Variants in NDUFAF7 observed in about 807,000 individuals in gnomAD.
The protein encoded by NDUFAF7 is protein arginine methyltransferase NDUFAF7, mitochondrial.
A neutral mutation model predicts 47.2 loss-of-function variants in NDUFAF7; 48 were observed. The ratio of observed to expected loss-of-function variants is 1.02; its 90% CI spans 0.81 to 1.29. The LOEUF is 1.29. Ranked by LOEUF, NDUFAF7 falls within the 50% of genes most tolerant of loss-of-function variation. The pLI is 0.00. For synonymous variants in NDUFAF7, 217 were observed against 190.0 expected (o/e 1.14, Z -1.17); for missense variants, 635 against 537.6 (o/e 1.18, Z -1.79).
the NDUFAF7 span, among the ~76,000 whole-genome samples, chr2:37,270,461 T>C: frequency 1.3e-5 from 2 of 152,040 alleles, no homozygotes; most frequent in African/African-American, 4.8e-5. Flanking sequence ...AATCCATTCC[T>C]CTATCTTTCC....
the NDUFAF7 span, among the ~76,000 whole-genome samples, chr2:37,261,634 G>T: frequency 6.7e-6 from 1 of 150,238 alleles, no homozygotes; most frequent in South Asian, 2.1e-4. Context: ...TACAAAATTA[G>T]CCGGGTGTGG....
chr2:37,242,845 CAA>C, intron 6 of NDUFAF7, 152 bp downstream of exon 6: 1 of 590,348 alleles, frequency 1.7e-6, no homozygotes, highest in Admixed American at 3.3e-5. Context: ...AATTCAAAAG[CAA>C]AAAATGAAAT....
chr2:37,235,724 G>A (rs1572531916), intron 2 of NDUFAF7, among the ~76,000 whole-genome samples: 2 of 151,732 alleles, frequency 1.3e-5, no homozygotes, highest in African/African-American at 4.8e-5. Flanking sequence ...GCGCGATCTC[G>A]GCTTACTGCA....
At chr2:37,267,776 A>T in the NDUFAF7 span, 1 of 425,814 alleles carries the variant, frequency 2.3e-6, no homozygotes, top group Non-Finnish European at 4.2e-6. Context: ...ATTTGAATGA[A>T]CTTGTTGCTG....
At chr2:37,253,879 CTCT>C (rs758373324), downstream of NDUFAF7, among the ~76,000 whole-genome samples, 13 of 152,228 alleles carry the variant, frequency 8.5e-5, no homozygotes, top group Non-Finnish European at 1.9e-4. Context: ...TTTAAAAAAT[CTCT>C]TCAATGCAAA....
At chr2:37,253,176 A>AT (rs79875666), downstream of NDUFAF7, 84,039 of 1,599,144 alleles carry the variant, frequency 0.053, 2,522 homozygotes, top group African/African-American at 0.11. Context: ...TAGCTCAGTG[A>AT]TTAAGGATCT....
downstream of NDUFAF7, chr2:37,250,381 T>G (rs1024392510): frequency 1.3e-5 from 2 of 152,172 alleles, no homozygotes; most frequent in Non-Finnish European, 2.9e-5. Context: ...CCTAGAAAGT[T>G]TGATATTAGG....
intron 7 of NDUFAF7, among the ~76,000 whole-genome samples, chr2:37,245,549 T>TAA (rs1461906786): frequency 2.0e-5 from 3 of 152,212 alleles, no homozygotes; most frequent in Non-Finnish European, 4.4e-5. Flanking sequence ...ATCATTGGGA[T>TAA]ACTTTCTGGC....
intron 5 of NDUFAF7, 177 bp from the exon 6 acceptor site, chr2:37,242,458 A>G: frequency 1.9e-6 from 1 of 522,810 alleles, no homozygotes. Flanking sequence ...TTATGTGTAA[A>G]ATAAGAATAG....
downstream of NDUFAF7, among the ~76,000 whole-genome samples, chr2:37,249,405 C>T (rs1051501381): frequency 3.3e-5 from 5 of 152,026 alleles, no homozygotes; most frequent in African/African-American, 1.2e-4. Context: ...GGTGAAACCC[C>T]ATTTCTACTA....
downstream of NDUFAF7, chr2:37,254,270 A>G: frequency 6.2e-7 from 1 of 1,613,216 alleles, no homozygotes; most frequent in South Asian, 1.1e-5. Context: ...CTTGAAGCAG[A>G]TTGTTTATCA....
chr2:37,247,403 C>A, intron 8 of NDUFAF7, 53 bp from the exon 9 acceptor site: 1 of 1,584,822 alleles, frequency 6.3e-7, no homozygotes, highest in East Asian at 2.2e-5. Context: ...GATAGCATTT[C>A]TTTAATCTTA....
At chr2:37,236,335 A>G (rs1215589637) in intron 3 of NDUFAF7, among the ~76,000 whole-genome samples, 159 bp downstream of exon 3, 1 of 152,182 alleles carries the variant, frequency 6.6e-6, no homozygotes, top group African/African-American at 2.4e-5. Flanking sequence ...GAGGCAGTAG[A>G]GGGGAGTAAA....
At chr2:37,262,681 T>C in the NDUFAF7 span, among the ~76,000 whole-genome samples, 19 of 151,684 alleles carry the variant, frequency 1.3e-4, no homozygotes, top group Admixed American at 2.6e-4. Context: ...CTATGCTTTT[T>C]CCCCCCTGCC....
chr2:37,251,323 G>T (rs893188553), downstream of NDUFAF7: 2 of 152,522 alleles, frequency 1.3e-5, no homozygotes, highest in Admixed American at 6.6e-5. Context: ...ATGGTTGGGA[G>T]GGCTAAGGGT....
rs757522856 is a variant in NDUFAF7 at position 37,231,785 on chromosome 2, C to T, written c.55+25C>T. On this transcript the variant is annotated intron_variant, in intron 1 of 9. Coordinates refer to ENST00000002125, the MANE Select transcript of NDUFAF7 (RefSeq NM_144736.5). ...GGTAAGCGTCAGTCCCCTCGAAGCC[C>T]GGTTGCCGTGGAAGCCGCGTGGGGC... 5 of 1,613,920 alleles carry T rather than the reference C, an allele frequency of 3.1e-6. No individual in the cohort carries two copies. The East Asian group carries it at 1.1e-4, about 36-fold the overall frequency.
chr2:37,233,025 G>A (rs750840171), intron 2 of NDUFAF7, among the ~76,000 whole-genome samples: 1 of 152,166 alleles, frequency 6.6e-6, no homozygotes, highest in Non-Finnish European at 1.5e-5. Context: ...TTTCGATGCC[G>A]GTTAGGCAGG....
chr2:37,252,174 G>A (rs1667553778), downstream of NDUFAF7: 1 of 152,156 alleles, frequency 6.6e-6, no homozygotes, highest in African/African-American at 2.4e-5. Context: ...AAGCCCAATA[G>A]GCTAGGGGAA....
chr2:37,265,824 G>A, the NDUFAF7 span, among the ~76,000 whole-genome samples: 1 of 151,978 alleles, frequency 6.6e-6, no homozygotes, highest in African/African-American at 2.4e-5. Context: ...TAATAATGAA[G>A]TTTTTCATAC....
Sources: gnomAD v4.1 joint callset for allele counts (sites outside exome capture counted in the v4.1 genomes callset) on GRCh38, gnomAD v4.1.1 for gene constraint, MANE v1.5 for transcripts, NCBI Gene and HGNC (gene_info 2026-07-23, HGNC 2026-07-21) for gene names.